SEMA3E: variants seen among roughly 807,000 people sequenced by gnomAD.
The protein encoded by SEMA3E is semaphorin 3E, also known as semaphorin-3E.
SEMA3E carries 49 observed loss-of-function variants against 93.6 expected under a neutral mutation model. The ratio of observed to expected loss-of-function variants is 0.52; its 90% confidence interval spans 0.42 to 0.66. The LOEUF (loss-of-function observed/expected upper bound fraction) is 0.66. SEMA3E is among the 30% of genes least tolerant of loss of function. The pLI is 0.00. For missense variants in SEMA3E, 906 were observed against 964.8 expected, an observed-to-expected ratio of 0.94 and a Z score of 0.81; for synonymous variants, 363 against 330.7, an observed-to-expected ratio of 1.10 and a Z score of -1.06.
intron 1 of SEMA3E, among the ~76,000 whole-genome samples, chr7:83,601,649 A>C (rs1469180786): frequency 1.3e-5 from 2 of 152,072 alleles, no homozygotes; most frequent in African/African-American, 4.8e-5. Context: ...AGCCTCCTGA[A>C]GCTGTAAAGT....
chr7:83,389,974 C>CT (rs1787968422), intron 14 of SEMA3E, among the ~76,000 whole-genome samples: 2 of 126,810 alleles, frequency 1.6e-5, no homozygotes, highest in South Asian at 2.9e-4. Context: ...TACGTATACA[C>CT]ATATATACGC....
chr7:83,600,626 T>A (rs13307060), intron 1 of SEMA3E, among the ~76,000 whole-genome samples: 2 of 150,036 alleles, frequency 1.3e-5, no homozygotes, highest in African/African-American at 4.9e-5. Context: ...GGATTACAGG[T>A]GTCAGCCACG....
intron 5 of SEMA3E, among the ~76,000 whole-genome samples, chr7:83,411,922 A>G (rs971847866): frequency 6.6e-6 from 1 of 152,190 alleles, no homozygotes; most frequent in African/African-American, 2.4e-5. Context: ...CACACTCAAC[A>G]ATAGTCTTTA....
rs56867715 is a variant in SEMA3E at position 83,363,860 on chromosome 7, A to ATTTTTTTTTT, written c.*3716_*3725dup. 5 of 76,922 alleles carry ATTTTTTTTTT rather than the reference A, an allele frequency of 6.5e-5. 1 individual carries two copies. The highest frequency in any genetic ancestry group is 2.5e-4 in the African/African-American group (5 of 20,066). 4.8% of individuals were successfully genotyped at this position (76,922 alleles called of 1,614,324 possible). ...GGCTACAGGTGTCACAGGTCAATTC[A>ATTTTTTTTTT]TTTTTTTTTTTTTTTTTTTTTTTTT... On this transcript the variant is annotated 3_prime_UTR_variant, in exon 17 of 17. Transcript: ENST00000643230.
At chr7:83,407,443 A>G (rs1403203112) in intron 6 of SEMA3E, among the ~76,000 whole-genome samples, 1 of 152,182 alleles carries the variant, frequency 6.6e-6, no homozygotes, top group Non-Finnish European at 1.5e-5. Flanking sequence ...CAGCCCTTTT[A>G]GAAATATTAC....
At chr7:83,474,114 A>T (rs964188925) in intron 2 of SEMA3E, among the ~76,000 whole-genome samples, 1 of 151,370 alleles carries the variant, frequency 6.6e-6, no homozygotes, top group Non-Finnish European at 1.5e-5. Flanking sequence ...AAAAAAAAAA[A>T]AAGAAAAATA....
At chr7:83,639,128 A>AACAAAC (rs1793944760) in intron 1 of SEMA3E, among the ~76,000 whole-genome samples, 9 of 141,364 alleles carry the variant, frequency 6.4e-5, no homozygotes, top group African/African-American at 2.1e-4. Flanking sequence ...AAAAAAAAAA[A>AACAAAC]AAAAAAAAAA....
intron 1 of SEMA3E, among the ~76,000 whole-genome samples, chr7:83,510,916 T>C (rs1169497110): frequency 6.6e-6 from 1 of 152,218 alleles, no homozygotes; most frequent in East Asian, 1.9e-4. Flanking sequence ...AATAATTATA[T>C]GTATAATATC....
intron 1 of SEMA3E, among the ~76,000 whole-genome samples, chr7:83,587,075 T>G (rs769341745): frequency 1.3e-5 from 2 of 152,180 alleles, no homozygotes; most frequent in Non-Finnish European, 2.9e-5. Flanking sequence ...CTTTTATTCC[T>G]TTCTAAAGTT....
chr7:83,386,934 T>C, intron 15 of SEMA3E, 49 bp downstream of exon 15: 1 of 1,512,228 alleles, frequency 6.6e-7, no homozygotes, highest in Non-Finnish European at 9.2e-7. Flanking sequence ...TAGTTTATGT[T>C]CAATGTATTC....
chr7:83,447,168 T>A (rs1055448569), intron 4 of SEMA3E, among the ~76,000 whole-genome samples: 4 of 152,136 alleles, frequency 2.6e-5, no homozygotes, highest in Non-Finnish European at 5.9e-5. Flanking sequence ...TATATACTGA[T>A]CAATTAATCA....
At chr7:83,538,548 T>TATGC (rs1791453959) in intron 1 of SEMA3E, among the ~76,000 whole-genome samples, 1 of 152,176 alleles carries the variant, frequency 6.6e-6, no homozygotes. Context: ...CCAGTAGGCA[T>TATGC]ATGCACACAT....
chr7:83,410,868 C>T (rs946882790), intron 5 of SEMA3E, among the ~76,000 whole-genome samples: 2 of 151,922 alleles, frequency 1.3e-5, no homozygotes, highest in East Asian at 3.9e-4. Context: ...AATATAAAGA[C>T]CAGCTTGTTA....
At chr7:83,465,162 C>T (rs901486191) in intron 4 of SEMA3E, among the ~76,000 whole-genome samples, 5 of 151,974 alleles carry the variant, frequency 3.3e-5, no homozygotes, top group African/African-American at 9.7e-5. Context: ...CAAAAAACAC[C>T]TCCATTGAGC....
At chr7:83,606,287 C>A (rs1793115814) in intron 1 of SEMA3E, among the ~76,000 whole-genome samples, 2 of 152,200 alleles carry the variant, frequency 1.3e-5, no homozygotes, top group Non-Finnish European at 1.5e-5. Flanking sequence ...GATTCATTGG[C>A]CTTAATATTT....
At chr7:83,501,319 CATATT>C (rs1790592667) in intron 1 of SEMA3E, among the ~76,000 whole-genome samples, 2 of 152,146 alleles carry the variant, frequency 1.3e-5, no homozygotes, top group Admixed American at 1.3e-4. Context: ...GTTATAATTA[CATATT>C]ATTTAAATCA....
intron 4 of SEMA3E, among the ~76,000 whole-genome samples, chr7:83,435,858 A>AT (rs1788994209): frequency 6.6e-6 from 1 of 152,002 alleles, no homozygotes; most frequent in Non-Finnish European, 1.5e-5. Context: ...GTATCCTAAT[A>AT]TTTTTTCAAA....
intron 1 of SEMA3E, among the ~76,000 whole-genome samples, chr7:83,523,804 T>C (rs766545622): frequency 1.3e-5 from 2 of 152,112 alleles, no homozygotes; most frequent in Non-Finnish European, 2.9e-5. Flanking sequence ...GTAAATAATA[T>C]ACACGTATTT....
chr7:83,636,456 A>G (rs1434819521), intron 1 of SEMA3E, among the ~76,000 whole-genome samples: 2 of 152,194 alleles, frequency 1.3e-5, no homozygotes, highest in East Asian at 3.8e-4. Context: ...ATGTATCTAT[A>G]TAGATAGAAT....
Sources: gnomAD v4.1 joint callset for allele counts (sites outside exome capture counted in the v4.1 genomes callset) on GRCh38, gnomAD v4.1.1 for gene constraint, MANE v1.5 for transcripts, NCBI Gene and HGNC (gene_info 2026-07-23, HGNC 2026-07-21) for gene names.